Variants in ASXL1 observed in about 807,000 individuals in gnomAD.
ASXL1 encodes ASXL transcriptional regulator 1.
In ASXL1, 65 loss-of-function variants were observed where a neutral mutation model predicts 89.1. That is an observed-to-expected ratio of 0.73 (90% CI 0.60 to 0.90). The LOEUF (loss-of-function observed/expected upper bound fraction) is 0.90. Ranked by LOEUF, ASXL1 falls within the 40% of genes least tolerant of loss-of-function variation. ASXL1 has a pLI of 0.00. For synonymous variants in ASXL1, 739 were observed against 746.9 expected, an observed-to-expected ratio of 0.99 and a Z score of 0.17; for missense variants, 1,786 against 1,942.9, an observed-to-expected ratio of 0.92 and a Z score of 1.52.
intron 1 of ASXL1, among the ~76,000 whole-genome samples, chr20:32,361,902 C>T (rs935139390): frequency 4.6e-5 from 7 of 151,772 alleles, no homozygotes; most frequent in Non-Finnish European, 8.8e-5. Context: ...CCCGTCTCTA[C>T]TAAAAATACA....
intron 1 of ASXL1, chr20:32,359,138 C>A: frequency 1.6e-6 from 1 of 628,390 alleles, no homozygotes; most frequent in South Asian, 1.8e-5. Context: ...GTCCCCTCCC[C>A]CACTATTTGG....
Position 32,359,432 on chromosome 20 carries a change from G to A in ASXL1, c.57+600G>A, listed in dbSNP as rs2048071891. ...TGGGCGACACCTGGGAGGCGGTTAG[G>A]AACGCTACTCCTAGGGCCCTTCGTA... is the stretch of plus-strand genomic sequence containing the variant. On this transcript the variant is annotated intron_variant, in intron 1 of 12. Coordinates refer to ENST00000375687, the MANE Select transcript of ASXL1 (RefSeq NM_015338.6). 4.3e-6 allele frequency: 3 copies of A among 701,824 alleles called. No individual in the cohort carries two copies. The East Asian group carries it at 8.0e-5, about 19-fold the overall frequency. 43.5% of individuals were successfully genotyped at this position (701,824 alleles called of 1,614,324 possible).
chr20:32,362,407 C>T (rs1301581312), intron 1 of ASXL1, among the ~76,000 whole-genome samples: 1 of 152,156 alleles, frequency 6.6e-6, no homozygotes, highest in Non-Finnish European at 1.5e-5. Context: ...GAGGCCGAGG[C>T]GGGCGGATCA....
At chr20:32,368,987 C>A (rs764919066) in intron 3 of ASXL1, 28 bp from the exon 4 acceptor site, 10 of 1,559,822 alleles carry the variant, frequency 6.4e-6, no homozygotes, top group Non-Finnish European at 8.8e-6. Context: ...ATTGTATAAC[C>A]CTCATCCATT....
rs1201635933 is a variant in ASXL1 at position 32,435,487 on chromosome 20, G to C, written c.2775G>C (p.Gln925His). 3.1e-6 allele frequency: 5 copies of C among 1,613,930 alleles called. No individual in the cohort carries two copies. Among genetic ancestry groups the C allele is most frequent in the African/African-American group, 2.7e-5 (2 of 74,908 alleles). The change falls in exon 13 of 13, where the codon CAG becomes CAC. Residue 925 changes from glutamine to histidine, a missense_variant. By Grantham distance (24) the Gln-to-His change is conservative. Transcript: ENST00000375687. The part of the protein sequence containing the change: ...SREHIPSVEP[Q>H]VGEEWEKAAP... Reference sequence around the variant, plus strand: ...AACACATACCATCTGTTGAGCCCCAGGTTGGAGAGGAGTGGGAGAAAGCTG... The same window carrying C: ...AACACATACCATCTGTTGAGCCCCACGTTGGAGAGGAGTGGGAGAAAGCTG...
chr20:32,368,981 T>TA (rs1555901111), intron 3 of ASXL1, 34 bp from the exon 4 acceptor site: 2 of 1,551,254 alleles, frequency 1.3e-6, no homozygotes, highest in Non-Finnish European at 1.8e-6. Context: ...AGATGGATTG[T>TA]ATAACCCTCA....
chr20:32,392,028 T>C (rs559543159), intron 4 of ASXL1, among the ~76,000 whole-genome samples: 92 of 152,120 alleles, frequency 6.0e-4, no homozygotes, highest in Non-Finnish European at 1.0e-3. Flanking sequence ...GTCTAGTTTT[T>C]CCTAATGTGT....
At chr20:32,408,789 A>T (rs1240065189) in intron 4 of ASXL1, among the ~76,000 whole-genome samples, 1 of 151,894 alleles carries the variant, frequency 6.6e-6, no homozygotes, top group Non-Finnish European at 1.5e-5. Context: ...TGGGATTTTG[A>T]TTAGGATTAT....
intron 4 of ASXL1, among the ~76,000 whole-genome samples, chr20:32,370,938 C>T (rs1320192068): frequency 7.4e-6 from 1 of 135,030 alleles, no homozygotes; most frequent in African/African-American, 2.8e-5. Flanking sequence ...ATTGCTTAAA[C>T]TCAGGAGTAT....
At chr20:32,378,093 G>T (rs536391480) in intron 4 of ASXL1, among the ~76,000 whole-genome samples, 1 of 145,550 alleles carries the variant, frequency 6.9e-6, no homozygotes, top group South Asian at 2.2e-4. Context: ...GGGCTCAAAT[G>T]ATCCTCCCAC....
intron 4 of ASXL1, among the ~76,000 whole-genome samples, chr20:32,425,760 A>G (rs2011259208): frequency 6.6e-6 from 1 of 152,042 alleles, no homozygotes; most frequent in African/African-American, 2.4e-5. Flanking sequence ...AGGCTGGAGT[A>G]CAGTGGCACA....
chr20:32,434,014 T>G lies in ASXL1; in HGVS notation c.1719+97T>G. On this transcript the variant is annotated intron_variant, in intron 12 of 12. Transcript: ENST00000375687. ...TTAACTCTGGGGCCCTGAAGTTAAT[T>G]ATGTGGGAATGTAGAGCTTTTTATG... 3 of 1,521,984 alleles carry G rather than the reference T, an allele frequency of 2.0e-6. No homozygotes were observed. In the East Asian group the frequency reaches 6.8e-5, roughly 34 times the overall value. The allele number at this position is 1,521,984 out of a possible 1,614,324, so 94.3% of individuals were successfully genotyped here.
At chr20:32,423,979 C>A (rs2123183333) in intron 4 of ASXL1, among the ~76,000 whole-genome samples, 1 of 152,290 alleles carries the variant, frequency 6.6e-6, no homozygotes, top group Admixed American at 6.5e-5. Context: ...ACTGAAAATG[C>A]ATGGCTTTAG....
intron 4 of ASXL1, among the ~76,000 whole-genome samples, chr20:32,418,173 G>T (rs2049170463): frequency 6.6e-6 from 1 of 151,294 alleles, no homozygotes; most frequent in South Asian, 2.1e-4. Flanking sequence ...GCAAGACTCT[G>T]TATCAAAAAA....
At chr20:32,394,037 C>T (rs1486521279) in intron 4 of ASXL1, among the ~76,000 whole-genome samples, 1 of 142,520 alleles carries the variant, frequency 7.0e-6, no homozygotes, top group East Asian at 2.1e-4. Flanking sequence ...GAGTCTCGCA[C>T]TGTCACCTGG....
chr20:32,433,866 C>T lies in ASXL1; in HGVS notation c.1668C>T (p.His556=), dbSNP rs2123270412. The T allele has an allele frequency of 1.2e-6, 2 of 1,613,898 alleles. No individual in the cohort carries two copies. The highest frequency in any genetic ancestry group is 1.7e-6 in the Non-Finnish European group (2 of 1,180,032). ...QSFRNTIESV[H]TEKPQPTKEE... The stretch of plus-strand genomic sequence containing the variant: ...TTCGTAACACAATTGAAAGTGTTCA[C>T]ACCGAAAAGCCACAGCCCACTAAAG... Residue 556 remains histidine (H), a synonymous_variant, in exon 12 of 13, where the codon CAC becomes CAT. Coordinates refer to ENST00000375687, the MANE Select transcript of ASXL1 (RefSeq NM_015338.6).
At chr20:32,421,688 G>A (rs1302283228) in intron 4 of ASXL1, among the ~76,000 whole-genome samples, 1 of 152,032 alleles carries the variant, frequency 6.6e-6, no homozygotes, top group Non-Finnish European at 1.5e-5. Flanking sequence ...ATGAACTACT[G>A]ATGCATGCAA....
chr20:32,366,117 C>T (rs1427577482), intron 1 of ASXL1, among the ~76,000 whole-genome samples: 2 of 152,092 alleles, frequency 1.3e-5, no homozygotes, highest in African/African-American at 4.8e-5. Context: ...TGAACAGTAA[C>T]CAGTGTTGCT....
chr20:32,389,774 G>A (rs2122981327), intron 4 of ASXL1, among the ~76,000 whole-genome samples: 1 of 152,232 alleles, frequency 6.6e-6, no homozygotes, highest in East Asian at 1.9e-4. Context: ...CACCATGTTG[G>A]CCAGGCTGGT....
Sources: gnomAD v4.1 joint callset for allele counts (sites outside exome capture counted in the v4.1 genomes callset) on GRCh38, gnomAD v4.1.1 for gene constraint, MANE v1.5 for transcripts, NCBI Gene and HGNC (gene_info 2026-07-23, HGNC 2026-07-21) for gene names.